DOP1B: variants seen among roughly 807,000 people sequenced by gnomAD.
The protein encoded by DOP1B is protein DOP1B.
In DOP1B, 174 loss-of-function variants were observed where a neutral mutation model predicts 233.5. That is an observed-to-expected ratio of 0.75 (90% confidence interval 0.66 to 0.85). The LOEUF (loss-of-function observed/expected upper bound fraction) is 0.85. DOP1B is among the 40% of genes least tolerant of loss of function. The pLI is 0.00. For missense variants in DOP1B, 2,652 were observed against 2,846.6 expected, an observed-to-expected ratio of 0.93 and a Z score of 1.56; for synonymous variants, 1,190 against 1,185.6, an observed-to-expected ratio of 1.00 and a Z score of -0.08.
At chr21:36,169,649 G>A (rs1568997083) in intron 2 of DOP1B, 1 of 910,126 alleles carries the variant, frequency 1.1e-6, no homozygotes, top group South Asian at 1.3e-5. Flanking sequence ...CATCAGCTGG[G>A]CCTTCTTCTG....
At chr21:36,172,745 CA>C (rs796672110) in intron 2 of DOP1B, among the ~76,000 whole-genome samples, 69 of 145,856 alleles carry the variant, frequency 4.7e-4, no homozygotes, top group Non-Finnish European at 8.0e-4. Flanking sequence ...GACCCTGGCT[CA>C]AAAAAAAAAA....
At position 36,278,265 on chromosome 21, in the gene DOP1B, G is replaced by A. The variant is rs771973398; in HGVS notation, c.5879G>A (p.Gly1960Asp). ...GCTCAGCTGCTGAGCTCCCTGAGTG[G>A]CTATGCCTACACAAAGCGAGCCTGG... is the stretch of plus-strand genomic sequence containing the variant. The part of the protein sequence containing the change: ...AGAQLLSSLS[G>D]YAYTKRAWRK... Residue 1960 changes from glycine (G) to aspartate (D), a missense_variant, in exon 30 of 37, where the codon GGC (glycine) becomes GAC (aspartate). Physicochemically the swap from Gly to Asp is moderately conservative, Grantham distance 94. Transcript: ENST00000691173. The A allele has an allele frequency of 1.5e-5, 25 of 1,613,996 alleles. No homozygotes were observed. Among genetic ancestry groups the A allele is most frequent in the Non-Finnish European group, 1.9e-5 (23 of 1,180,038 alleles).
chr21:36,164,314 C>A (rs1056329580), intron 1 of DOP1B, among the ~76,000 whole-genome samples: 3 of 152,112 alleles, frequency 2.0e-5, no homozygotes, highest in African/African-American at 7.2e-5. Flanking sequence ...CAGAGTAAGA[C>A]CCTGCCTCCA....
At chr21:36,292,256 CTTTTTT>C in intron 36 of DOP1B, 23 bp downstream of exon 36, 2 of 1,334,820 alleles carry the variant, frequency 1.5e-6, no homozygotes, top group Non-Finnish European at 9.9e-7. Context: ...CTTTTCTTTT[CTTTTTT>C]TTTTTTTTTG....
chr21:36,275,244 T>G (rs2067337733), intron 27 of DOP1B, among the ~76,000 whole-genome samples: 1 of 152,150 alleles, frequency 6.6e-6, no homozygotes, highest in African/African-American at 2.4e-5. Context: ...GAAGGATAAT[T>G]AGCAGAGTCC....
At chr21:36,274,482 G>A (rs1399162230) in intron 27 of DOP1B, among the ~76,000 whole-genome samples, 2 of 152,092 alleles carry the variant, frequency 1.3e-5, no homozygotes, top group Non-Finnish European at 2.9e-5. Context: ...ATGTTAAGTC[G>A]GAAATGATGG....
chr21:36,213,986 T>A, intron 7 of DOP1B, 95 bp from the exon 8 acceptor site: 1 of 1,068,796 alleles, frequency 9.4e-7, no homozygotes, highest in Non-Finnish European at 1.4e-6. Context: ...AGAAGAATGA[T>A]ATTTTTAAAA....
At chr21:36,282,780 A>T (rs1280820749) in intron 32 of DOP1B, among the ~76,000 whole-genome samples, 1 of 152,086 alleles carries the variant, frequency 6.6e-6, no homozygotes, top group Non-Finnish European at 1.5e-5. Flanking sequence ...GTTTGACATC[A>T]GCCTGCCCAA....
At chr21:36,257,744 GTAGGTA>G (rs1213518609) in intron 23 of DOP1B, among the ~76,000 whole-genome samples, 1 of 149,478 alleles carries the variant, frequency 6.7e-6, no homozygotes, top group Non-Finnish European at 1.5e-5. Flanking sequence ...ATGTAGGTAG[GTAGGTA>G]GATGTAGGTA....
intron 2 of DOP1B, among the ~76,000 whole-genome samples, chr21:36,166,146 C>T (rs2065909610): frequency 6.6e-6 from 1 of 151,888 alleles, no homozygotes; most frequent in Admixed American, 6.6e-5. Context: ...AAATTGTCTT[C>T]CACGTGGCCA....
intron 2 of DOP1B, among the ~76,000 whole-genome samples, chr21:36,173,199 G>A (rs2065988671): frequency 6.6e-6 from 1 of 152,034 alleles, no homozygotes; most frequent in Admixed American, 6.6e-5. Context: ...AAAGCTTAGG[G>A]TCAACATTCT....
intron 23 of DOP1B, among the ~76,000 whole-genome samples, chr21:36,258,415 C>CTTTTT (rs111603353): frequency 6.8e-6 from 1 of 147,794 alleles, no homozygotes; most frequent in East Asian, 2.0e-4. Context: ...AAAAGAAAGA[C>CTTTTT]TTTTTTTTTT....
chr21:36,217,417 T>A (rs1323757928), intron 9 of DOP1B, among the ~76,000 whole-genome samples: 2 of 152,230 alleles, frequency 1.3e-5, no homozygotes, highest in African/African-American at 4.8e-5. Flanking sequence ...GTTCTCCCAC[T>A]ATGCCTGTTT....
At chr21:36,244,317 A>G (rs1330894246) in intron 18 of DOP1B, among the ~76,000 whole-genome samples, 1 of 151,858 alleles carries the variant, frequency 6.6e-6, no homozygotes, top group African/African-American at 2.4e-5. Flanking sequence ...CCACCATGCC[A>G]CCACACCCAG....
intron 31 of DOP1B, among the ~76,000 whole-genome samples, chr21:36,281,016 ATAAG>A (rs2067409531): frequency 6.6e-6 from 1 of 151,662 alleles, no homozygotes; most frequent in South Asian, 2.1e-4. Context: ...AAATAAAAAA[ATAAG>A]TATTGGCTGG....
At chr21:36,274,489 A>G (rs891733764) in intron 27 of DOP1B, among the ~76,000 whole-genome samples, 1 of 152,180 alleles carries the variant, frequency 6.6e-6, no homozygotes, top group Non-Finnish European at 1.5e-5. Flanking sequence ...GTCGGAAATG[A>G]TGGAAAAGAG....
intron 2 of DOP1B, among the ~76,000 whole-genome samples, chr21:36,194,237 G>A (rs1000288129): frequency 1.3e-5 from 2 of 152,166 alleles, no homozygotes; most frequent in African/African-American, 4.8e-5. Flanking sequence ...CCAAGGAGCA[G>A]TCCAGCAAGT....
intron 1 of DOP1B, among the ~76,000 whole-genome samples, chr21:36,157,554 C>T (rs1270677766): frequency 1.3e-5 from 2 of 152,214 alleles, no homozygotes; most frequent in Non-Finnish European, 2.9e-5. Flanking sequence ...ACACTCGCGA[C>T]TGCAGCCCCA....
chr21:36,208,246 T>C (rs553749504), intron 4 of DOP1B, among the ~76,000 whole-genome samples: 60 of 152,360 alleles, frequency 3.9e-4, no homozygotes, highest in Middle Eastern at 3.4e-3. Context: ...TTTTTGGCTG[T>C]GCTCAAGTTG....
Sources: allele counts gnomAD v4.1 joint callset (sites outside exome capture counted in the v4.1 genomes callset), GRCh38; gene constraint gnomAD v4.1.1; transcripts MANE v1.5; gene names NCBI Gene and HGNC (gene_info 2026-07-23, HGNC 2026-07-21).